Variants in PFKFB2 observed in about 807,000 individuals in gnomAD.
The protein encoded by PFKFB2 is 6-phosphofructo-2-kinase/fructose-2,6-bisphosphatase 2.
A neutral mutation model predicts 68.0 loss-of-function variants in PFKFB2; 53 were observed. The ratio of observed to expected loss-of-function variants is 0.78; its 90% CI spans 0.63 to 0.98. The LOEUF (loss-of-function observed/expected upper bound fraction) is 0.98. PFKFB2 is among the 50% of genes least tolerant of loss of function. PFKFB2 has a pLI of 0.00. For missense variants in PFKFB2, 451 were observed against 642.0 expected, an observed-to-expected ratio of 0.70 and a Z score of 3.22; for synonymous variants, 222 against 227.6, an observed-to-expected ratio of 0.98 and a Z score of 0.22.
chr1:207,072,333 C>A lies in PFKFB2; in HGVS notation c.1480C>A (p.Pro494Thr), dbSNP rs1325338390. ...GAGCCGGCCCCTCAAGCCCCTCAGC[C>A]CTCTCCGTGCCCAGGACATGCAAGA... ...VGSRPLKPLSPLRAQDMQEGA... is the reference protein window; with the variant it reads ...VGSRPLKPLSTLRAQDMQEGA... The change falls in exon 15 of 15, where the codon CCT (proline) becomes ACT (threonine). Residue 494 changes from proline to threonine, a missense_variant. Transcript: ENST00000367080. 6.2e-7 allele frequency: 1 copy of A among 1,613,998 alleles called. No homozygotes were observed. Among genetic ancestry groups the A allele is most frequent in the Non-Finnish European group, 8.5e-7 (1 of 1,179,998 alleles).
upstream of PFKFB2, among the ~76,000 whole-genome samples, chr1:207,051,925 G>C (rs901874782): frequency 6.6e-6 from 1 of 152,258 alleles, no homozygotes; most frequent in South Asian, 2.1e-4. Context: ...GGCAACTAGA[G>C]CACTCTGGGA....
chr1:207,057,302 C>CAAAAAAAAAAAAAAAAAAAA (rs748726221), intron 2 of PFKFB2, among the ~76,000 whole-genome samples: 11 of 40,402 alleles, frequency 2.7e-4, no homozygotes, highest in Non-Finnish European at 5.5e-4. Context: ...AAAAAAACTA[C>CAAAAAAAAAAAAAAAAAAAA]AAAAAAAAAA....
At chr1:207,039,121 G>GACC (rs1171731919) in intron 1 of PFKFB2, among the ~76,000 whole-genome samples, 1 of 152,186 alleles carries the variant, frequency 6.6e-6, no homozygotes, top group Non-Finnish European at 1.5e-5. Flanking sequence ...GTTAAAGGAT[G>GACC]AACCTAATGA....
chr1:207,034,470 T>C (rs1214846646), exon 1 of PFKFB2: 1 of 152,214 alleles, frequency 6.6e-6, no homozygotes, highest in Non-Finnish European at 1.5e-5. Flanking sequence ...TCCAGCTCCA[T>C]AGGTGTGTGA....
At chr1:207,043,848 A>G (rs1682530172) in intron 2 of PFKFB2, 1 of 152,610 alleles carries the variant, frequency 6.6e-6, no homozygotes, top group Non-Finnish European at 1.5e-5. Flanking sequence ...ATACTCAAAC[A>G]ACGTTTTCAC....
Position 207,072,660 on chromosome 1 carries a change from CTCCCTTGG to C in PFKFB2, c.*290_*297del. On this transcript the variant is annotated 3_prime_UTR_variant, in exon 15 of 15. Transcript: ENST00000367080. ...TCTGGAGGAGGAGGAAAAAGATACA[CTCCCTTGG>C]GGCTGAGCATGCCCCACACTCTTGG... is the stretch of plus-strand genomic sequence containing the variant. The C allele has an allele frequency of 1.7e-6, 2 of 1,172,726 alleles. No individual in the cohort carries two copies. Among genetic ancestry groups the C allele is most frequent in the Non-Finnish European group, 2.1e-6 (2 of 946,476 alleles). The allele number at this position is 1,172,726 out of a possible 1,614,324, so 72.6% of individuals were successfully genotyped here.
intron 7 of PFKFB2, among the ~76,000 whole-genome samples, chr1:207,064,295 C>A (rs932455632): frequency 4.0e-5 from 6 of 151,796 alleles, no homozygotes; most frequent in Non-Finnish European, 8.8e-5. Flanking sequence ...TGTGCCACTG[C>A]AGTCCAGTCT....
At chr1:207,046,948 G>T (rs1489206755) in intron 2 of PFKFB2, 1 of 151,748 alleles carries the variant, frequency 6.6e-6, no homozygotes, top group Non-Finnish European at 1.5e-5. Flanking sequence ...TCAACTCTGT[G>T]TCCTGAAGTA....
chr1:207,071,491 T>G lies in PFKFB2; in HGVS notation c.1286-18T>G. 3 of 1,607,860 alleles carry G rather than the reference T, an allele frequency of 1.9e-6. No homozygotes were observed. The highest frequency in any genetic ancestry group is 2.6e-6 in the Non-Finnish European group (3 of 1,174,428). ...TGAACCTTTTTCTTTAAGTCCTCTC[T>G]TTCCTCTGTTTTCTCAGGGTGCAAA... On this transcript the variant is annotated intron_variant, in intron 13 of 14. Transcript: ENST00000367080.
In PFKFB2 at chr1:207,063,342, C is replaced by G. The variant is rs753676000; in HGVS notation, c.376-5C>G. 6.2e-7 allele frequency: 1 copy of G among 1,611,250 alleles called. No homozygotes were observed. Among genetic ancestry groups the G allele is most frequent in the Non-Finnish European group, 8.5e-7 (1 of 1,177,370 alleles). On this transcript the variant is annotated splice_polypyrimidine_tract_variant and splice_region_variant and intron_variant, in intron 5 of 14. Coordinates refer to ENST00000367080, the MANE Select transcript of PFKFB2 (RefSeq NM_006212.2). This position sits in a 1 kb window ranked among gnomAD's most constrained non-coding sequence, Gnocchi z 4.1. Reference sequence around the variant, plus strand: ...GCTCATTTACCTTGTGTACTTTCTTCACAGGTGTTTGATGCCACCAATACA... The same window carrying G: ...GCTCATTTACCTTGTGTACTTTCTTGACAGGTGTTTGATGCCACCAATACA...
chr1:207,071,683 C>G (rs998060405), intron 14 of PFKFB2, 110 bp downstream of exon 14: 1 of 776,152 alleles, frequency 1.3e-6, no homozygotes, highest in South Asian at 1.6e-5. Flanking sequence ...GAAACAGATT[C>G]AGAACTTACG....
chr1:207,074,830 T>G lies in PFKFB2; in HGVS notation c.*2459T>G. On this transcript the variant is annotated 3_prime_UTR_variant, in exon 15 of 15. Coordinates refer to ENST00000367080, the MANE Select transcript of PFKFB2 (RefSeq NM_006212.2). ...TAGCAACAGTCTGAGTCTAGAAGTG[T>G]TCAACCATCACATCGCTTCTCCTGA... 13 of 985,432 alleles carry G rather than the reference T, an allele frequency of 1.3e-5. No individual in the cohort carries two copies. Among genetic ancestry groups the G allele is most frequent in the Non-Finnish European group, 1.4e-5 (12 of 829,922 alleles). 61.0% of individuals were successfully genotyped at this position (985,432 alleles called of 1,614,324 possible).
chr1:207,077,612 A>G lies in PFKFB2; in HGVS notation c.*5241A>G, dbSNP rs1683665193. On this transcript the variant is annotated 3_prime_UTR_variant, in exon 15 of 15. Coordinates refer to ENST00000367080, the MANE Select transcript of PFKFB2 (RefSeq NM_006212.2). Reference sequence around the variant, plus strand: ...ATGGGTCAGATTGGGAAGCCTAGGAAGAGAGTTCTACTGTAGATTTCCTAG... The same window carrying G: ...ATGGGTCAGATTGGGAAGCCTAGGAGGAGAGTTCTACTGTAGATTTCCTAG... The G allele has an allele frequency of 3.0e-6, 3 of 985,662 alleles. No homozygotes were observed. The highest frequency in any genetic ancestry group is 9.4e-5 in the South Asian group (2 of 21,284). The allele number at this position is 985,662 out of a possible 1,614,324, so 61.1% of individuals were successfully genotyped here.
At position 207,077,249 on chromosome 1, in the gene PFKFB2, G is replaced by A. The variant is rs1245419741; in HGVS notation, c.*4878G>A. On this transcript the variant is annotated 3_prime_UTR_variant, in exon 15 of 15. Coordinates refer to ENST00000367080, the MANE Select transcript of PFKFB2 (RefSeq NM_006212.2). ...GAAATGTTGTATTCCATTGGACAGG[G>A]CTGCTATTTTTAGTCAGCCATGCAT... 1 of 984,994 alleles carries A rather than the reference G, an allele frequency of 1.0e-6. No individual in the cohort carries two copies. Among genetic ancestry groups the A allele is most frequent in the Non-Finnish European group, 1.2e-6 (1 of 829,744 alleles). The allele number at this position is 984,994 out of a possible 1,614,324, so 61.0% of individuals were successfully genotyped here.
chr1:207,069,380 G>A (rs1683399442), intron 10 of PFKFB2, 44 bp from the exon 11 acceptor site: 1 of 1,309,752 alleles, frequency 7.6e-7, no homozygotes. Context: ...GGCTGGTGTG[G>A]TACAGTCTAT....
intron 1 of PFKFB2, 29 bp from the exon 2 acceptor site, chr1:207,054,672 C>A (rs1558056493): frequency 2.0e-6 from 3 of 1,483,252 alleles, no homozygotes. Flanking sequence ...TTCCCCTTCC[C>A]TTTTTTACAT....
intron 2 of PFKFB2, chr1:207,055,042 ATC>A: frequency 2.3e-6 from 1 of 432,370 alleles, no homozygotes; most frequent in Non-Finnish European, 4.2e-6. Flanking sequence ...CTTAAACTGA[ATC>A]TCTGTCTCCT....
At position 207,075,447 on chromosome 1, in the gene PFKFB2, G is replaced by A. The variant is rs1683594167; in HGVS notation, c.*3076G>A. 1.0e-6 allele frequency: 1 copy of A among 985,300 alleles called. No individual in the cohort carries two copies. Among genetic ancestry groups the A allele is most frequent in the African/African-American group, 1.7e-5 (1 of 57,230 alleles). 61.0% of individuals were successfully genotyped at this position (985,300 alleles called of 1,614,324 possible). On this transcript the variant is annotated 3_prime_UTR_variant, in exon 15 of 15. Transcript: ENST00000367080. ...AGCTCTTACTCCAAATTTTAGAGAA[G>A]TTTCAGCTCTACTTCTCATCTTTTC... is the stretch of plus-strand genomic sequence containing the variant.
In PFKFB2 at chr1:207,072,872, C is replaced by A; in HGVS notation, c.*501C>A. On this transcript the variant is annotated 3_prime_UTR_variant, in exon 15 of 15. Transcript: ENST00000367080. ...CTGCTTTCTTCCCCCACTTTCATGT[C>A]CCCTCTGGATTGTCCAGTGTAATGC... 1 of 990,046 alleles carries A rather than the reference C, an allele frequency of 1.0e-6. No individual in the cohort carries two copies. 61.3% of individuals were successfully genotyped at this position (990,046 alleles called of 1,614,324 possible).
Sources: gnomAD v4.1 joint callset for allele counts (sites outside exome capture counted in the v4.1 genomes callset) on GRCh38, gnomAD v4.1.1 for gene constraint, Gnocchi (gnomAD v3.1) non-coding constraint, MANE v1.5 for transcripts, NCBI Gene and HGNC (gene_info 2026-07-23, HGNC 2026-07-21) for gene names.